Variants in UGT2A3 observed in about 807,000 individuals in gnomAD.
UGT2A3 encodes UDP glucuronosyltransferase family 2 member A3.
In UGT2A3, 55 loss-of-function variants were observed where a neutral mutation model predicts 44.1. That is an observed-to-expected ratio of 1.25 (90% CI 1.00 to 1.56). The LOEUF is 1.56. UGT2A3 is among the 40% of genes most tolerant of loss of function. UGT2A3 has a pLI of 0.00. For missense variants in UGT2A3, 733 were observed against 621.6 expected (o/e 1.18, Z -1.91); for synonymous variants, 243 against 215.1 (o/e 1.13, Z -1.13).
intron 2 of UGT2A3, among the ~76,000 whole-genome samples, chr4:68,941,367 G>T (rs1447328652): frequency 6.6e-6 from 1 of 151,816 alleles, no homozygotes; most frequent in Non-Finnish European, 1.5e-5. Context: ...TTTGACAAAG[G>T]TGCCAAGAAC....
At chr4:68,933,432 G>A (rs550765847) in intron 2 of UGT2A3, among the ~76,000 whole-genome samples, 2 of 152,144 alleles carry the variant, frequency 1.3e-5, no homozygotes, top group South Asian at 4.1e-4. Context: ...AGCCTTCTAT[G>A]TTCCATCCCA....
Position 68,951,478 on chromosome 4 carries a change from G to T in UGT2A3, c.283C>A (p.Leu95Met), listed in dbSNP as rs2109800662. The change falls in exon 1 of 6, where the codon CTG (leucine) becomes ATG (methionine). Residue 95 changes from leucine to methionine, a missense_variant. Coordinates refer to ENST00000251566, the MANE Select transcript of UGT2A3 (RefSeq NM_024743.4). ...GTTGATAAGCCTGGCAAGACATTCA[G>T]AGCTAGGTCAACAAATATTTCATTT... ...EENEIFVDLA[L>M]NVLPGLSTWQ... 1 of 1,612,620 alleles carries T rather than the reference G, an allele frequency of 6.2e-7. No homozygotes were observed. The highest frequency in any genetic ancestry group is 8.5e-7 in the Non-Finnish European group (1 of 1,179,244).
intron 1 of UGT2A3, among the ~76,000 whole-genome samples, chr4:68,949,206 C>A (rs571101440): frequency 1.7e-3 from 252 of 151,864 alleles, no homozygotes; most frequent in Non-Finnish European, 2.8e-3. Context: ...TAGGGTCAAG[C>A]AAACCATATC....
At chr4:68,931,117 C>A in intron 4 of UGT2A3, 38 bp downstream of exon 4, 1 of 1,481,594 alleles carries the variant, frequency 6.7e-7, no homozygotes, top group South Asian at 1.2e-5. Context: ...TCATTTTTTC[C>A]TCGTCTAGTT....
intron 1 of UGT2A3, 127 bp from the exon 2 acceptor site, chr4:68,945,581 G>T: frequency 1.9e-6 from 1 of 517,770 alleles, no homozygotes; most frequent in Non-Finnish European, 3.1e-6. Flanking sequence ...GCTTTTAGAC[G>T]TCAAATGGAA....
chr4:68,943,608 T>C (rs1299657475), intron 2 of UGT2A3, among the ~76,000 whole-genome samples: 7 of 151,890 alleles, frequency 4.6e-5, no homozygotes, highest in Admixed American at 4.0e-4. Flanking sequence ...CTTATAATTT[T>C]ATGTTGTCTG....
At chr4:68,937,716 C>T (rs1718007334) in intron 2 of UGT2A3, among the ~76,000 whole-genome samples, 1 of 152,044 alleles carries the variant, frequency 6.6e-6, no homozygotes, top group Non-Finnish European at 1.5e-5. Context: ...AAGATCAGAG[C>T]AGAACTGAAG....
At chr4:68,937,584 C>T (rs1406586462) in intron 2 of UGT2A3, among the ~76,000 whole-genome samples, 2 of 152,102 alleles carry the variant, frequency 1.3e-5, no homozygotes, top group Non-Finnish European at 2.9e-5. Flanking sequence ...AAATTTATAT[C>T]ACTGAATGCC....
chr4:68,934,611 TC>T (rs1236861959), intron 2 of UGT2A3, among the ~76,000 whole-genome samples: 1 of 151,884 alleles, frequency 6.6e-6, no homozygotes, highest in Non-Finnish European at 1.5e-5. Flanking sequence ...GAGGCTCATA[TC>T]TATAAACCCA....
chr4:68,951,428 A>G lies in UGT2A3; in HGVS notation c.333T>C (p.Asn111=). 6.2e-7 allele frequency: 1 copy of G among 1,611,652 alleles called. No individual in the cohort carries two copies. The highest frequency in any genetic ancestry group is 8.5e-7 in the Non-Finnish European group (1 of 1,178,992). ...LSTWQSVIKL[N]DFFVEIRGTL... Reference sequence around the variant, plus strand: ...TTCCTCTTATTTCAACAAAAAAATCATTTAATTTTATAACTGATTGCCAGG... The same window carrying G: ...TTCCTCTTATTTCAACAAAAAAATCGTTTAATTTTATAACTGATTGCCAGG... Residue 111 remains asparagine, a synonymous_variant, in exon 1 of 6, where the codon AAT becomes AAC. Coordinates refer to ENST00000251566, the MANE Select transcript of UGT2A3 (RefSeq NM_024743.4).
chr4:68,937,243 C>T (rs1460573590), intron 2 of UGT2A3, among the ~76,000 whole-genome samples: 2 of 152,132 alleles, frequency 1.3e-5, no homozygotes, highest in African/African-American at 4.8e-5. Flanking sequence ...ACTCTCCACC[C>T]CAAATCAACA....
chr4:68,932,944 C>G (rs1717790192), intron 2 of UGT2A3, among the ~76,000 whole-genome samples, 185 bp from the exon 3 acceptor site: 1 of 151,906 alleles, frequency 6.6e-6, no homozygotes, highest in Admixed American at 6.6e-5. Flanking sequence ...AAACATGTGG[C>G]TTAAATATGT....
At chr4:68,939,430 C>CA (rs1577850774) in intron 2 of UGT2A3, among the ~76,000 whole-genome samples, 1 of 151,976 alleles carries the variant, frequency 6.6e-6, no homozygotes, top group African/African-American at 2.4e-5. Flanking sequence ...ACAAATCTGA[C>CA]AAAATCAAGA....
rs370355788 is a variant in UGT2A3 at position 68,951,645 on chromosome 4, A to T, written c.116T>A (p.Val39Asp). ...WPCDMSHWLN[V>D]KVILEELIVR... ...TATGAGCTCTTCTAGAATGACCTTG[A>T]CATTAAGCCAATGGCTCATGTCACA... is the stretch of plus-strand genomic sequence containing the variant. The change falls in exon 1 of 6, where the codon GTC becomes GAC. Residue 39 changes from valine (V) to aspartate (D), a missense_variant. Coordinates refer to ENST00000251566, the MANE Select transcript of UGT2A3 (RefSeq NM_024743.4). 5.0e-6 allele frequency: 8 copies of T among 1,612,612 alleles called. No individual in the cohort carries two copies. Among genetic ancestry groups the T allele is most frequent in the Non-Finnish European group, 6.8e-6 (8 of 1,179,414 alleles).
In UGT2A3 at chr4:68,931,218, T is replaced by A; in HGVS notation, c.1021A>T (p.Lys341Ter). 1 of 1,612,962 alleles carries A rather than the reference T, an allele frequency of 6.2e-7. No individual in the cohort carries two copies. Among genetic ancestry groups the A allele is most frequent in the Non-Finnish European group, 8.5e-7 (1 of 1,179,368 alleles). Reference protein sequence around the residue: ...QKVLWRYKGKKPSTLGANTRL... With the variant: ...QKVLWRYKGK Reference sequence around the variant, plus strand: ...GTATTGGCTCCTAATGTGGATGGTTTTTTTCCTTTGTACCTCCATAACACC... The same window carrying A: ...GTATTGGCTCCTAATGTGGATGGTTATTTTCCTTTGTACCTCCATAACACC... The change falls in exon 4 of 6, where the codon AAA (lysine) becomes TAA (stop). Residue 341 changes from lysine to a stop codon, truncating the protein, a stop_gained. Transcript: ENST00000251566. LOFTEE classifies it high-confidence loss of function.
rs955532603 is a variant in UGT2A3, at chr4:68,929,182, T to C, written c.*631A>G. Reference sequence around the variant, plus strand: ...AATCATGAGAAAGGTCTTTTTATCATCAAGAAAACAGAAAAAAGTATTGGT... The same window carrying C: ...AATCATGAGAAAGGTCTTTTTATCACCAAGAAAACAGAAAAAAGTATTGGT... On this transcript the variant is annotated 3_prime_UTR_variant, in exon 6 of 6. Transcript: ENST00000251566. 1.3e-5 allele frequency: 2 copies of C among 152,062 alleles called. No homozygotes were observed. Among genetic ancestry groups the C allele is most frequent in the African/African-American group, 4.8e-5 (2 of 41,436 alleles). 9.4% of individuals were successfully genotyped at this position (152,062 alleles called of 1,614,324 possible).
chr4:68,943,498 A>T (rs1318411474), intron 2 of UGT2A3: 1 of 294,174 alleles, frequency 3.4e-6, no homozygotes, highest in African/African-American at 2.3e-5. Flanking sequence ...TCCTTATAGG[A>T]TTTTGATTAT....
rs377667409 is a variant in UGT2A3 at position 68,930,697 on chromosome 4, C to T, written c.1153G>A (p.Gly385Arg). The change falls in exon 5 of 6, where the codon GGG becomes AGG. Residue 385 changes from glycine (G) to arginine (R), a missense_variant. Gly to Arg is a moderately radical substitution (Grantham distance 125). Coordinates refer to ENST00000251566, the MANE Select transcript of UGT2A3 (RefSeq NM_024743.4). Reference sequence around the variant, plus strand: ...ATGGGAACTCCCACCATAGGGACCCCATGGTAAATAGCTTCATAGATCCCA... The same window carrying T: ...ATGGGAACTCCCACCATAGGGACCCTATGGTAAATAGCTTCATAGATCCCA... ...MNGIYEAIYH[G>R]VPMVGVPIFG... The T allele has an allele frequency of 1.6e-5, 26 of 1,612,926 alleles. No homozygotes were observed. The highest frequency in any genetic ancestry group is 2.2e-5 in the Non-Finnish European group (26 of 1,179,416).
intron 2 of UGT2A3, among the ~76,000 whole-genome samples, chr4:68,938,849 C>A (rs899361880): frequency 2.0e-5 from 3 of 152,156 alleles, no homozygotes; most frequent in Admixed American, 6.6e-5. Context: ...GCAACTTCAG[C>A]AAAGTCTGAG....
Sources: allele counts gnomAD v4.1 joint callset (sites outside exome capture counted in the v4.1 genomes callset), GRCh38; gene constraint gnomAD v4.1.1; transcripts MANE v1.5; gene names NCBI Gene and HGNC (gene_info 2026-07-23, HGNC 2026-07-21).